Variants in INPP5D observed in about 807,000 individuals in gnomAD.
The protein encoded by INPP5D is inositol polyphosphate-5-phosphatase D, also known as phosphatidylinositol 3,4,5-trisphosphate 5-phosphatase 1.
Under a neutral mutation model 122.9 loss-of-function variants are expected in INPP5D, and 33 were observed. The ratio of observed to expected loss-of-function variants is 0.27; its 90% confidence interval spans 0.20 to 0.36. INPP5D has a LOEUF of 0.36. Ranked by LOEUF, INPP5D falls within the 10% of genes least tolerant of loss-of-function variation. The pLI, the probability that INPP5D is intolerant of heterozygous loss-of-function variation, is 1.00. For synonymous variants in INPP5D, 584 were observed against 576.2 expected, an observed-to-expected ratio of 1.01 and a Z score of -0.19; for missense variants, 1,053 against 1,412.7, an observed-to-expected ratio of 0.75 and a Z score of 4.08.
chr2:233,108,055 C>T lies in INPP5D; in HGVS notation c.199-14052C>T, dbSNP rs529033356. 3.3e-5 allele frequency among the ~76,000 whole-genome samples: 5 copies of T among 152,272 alleles called. No homozygotes were observed. In the South Asian group the frequency reaches 1.0e-3, roughly 32 times the overall value. On this transcript the variant is annotated intron_variant, in intron 2 of 26. Coordinates refer to ENST00000445964, the MANE Select transcript of INPP5D (RefSeq NM_001017915.3). ...AGTTTCCCCCCTCCCACCTCTCAGTCCACCATAGCCCCAGGGGGCGGACCT... is the reference window on the plus strand; with the variant it reads ...AGTTTCCCCCCTCCCACCTCTCAGTTCACCATAGCCCCAGGGGGCGGACCT...
At chr2:233,192,068 C>G (rs768339011) in intron 22 of INPP5D, among the ~76,000 whole-genome samples, 2 of 152,118 alleles carry the variant, frequency 1.3e-5, no homozygotes, top group East Asian at 3.9e-4. Context: ...AGCTCTTCCC[C>G]GTTCCCAGTG....
chr2:233,124,798 A>T (rs1279420725), intron 3 of INPP5D, among the ~76,000 whole-genome samples: 1 of 152,248 alleles, frequency 6.6e-6, no homozygotes, highest in Admixed American at 6.5e-5. Context: ...CAGTCTCATG[A>T]CTGCTGGCTT....
Position 233,170,675 on chromosome 2 carries a change from G to C in INPP5D, c.1900+71G>C. 6.4e-7 allele frequency: 1 copy of C among 1,569,676 alleles called. No homozygotes were observed. Among genetic ancestry groups the C allele is most frequent in the South Asian group, 1.1e-5 (1 of 88,768 alleles). ...TCCCAGCACTTTAGGAGGCCGAGGC[G>C]GGCGGATCACGAGATCAGGAGATGG... On this transcript the variant is annotated intron_variant, in intron 16 of 26. Coordinates refer to ENST00000445964, the MANE Select transcript of INPP5D (RefSeq NM_001017915.3). This position sits in a 1 kb window ranked among gnomAD's most constrained non-coding sequence, Gnocchi z 4.5.
intron 5 of INPP5D, 172 bp downstream of exon 5, chr2:233,130,820 T>C (rs1200577234): frequency 1.3e-6 from 1 of 781,470 alleles, no homozygotes; most frequent in Non-Finnish European, 2.2e-6. Flanking sequence ...GAGGTCTTGT[T>C]ATCATGGAAT....
rs375774660 is a variant in INPP5D at position 233,198,206 on chromosome 2, T to C, written c.2805T>C (p.Pro935=). The C allele has an allele frequency of 6.2e-7, 1 of 1,613,674 alleles. No individual in the cohort carries two copies. The highest frequency in any genetic ancestry group is 8.5e-7 in the Non-Finnish European group (1 of 1,179,888). The part of the protein sequence containing the change: ...MPLHVKQTLS[P]DQQPTAWSYD... ...TGCACGTGAAGCAGACCTTGTCCCCTGACCAGCAGCCCACAGCCTGGAGCT... is the reference window on the plus strand; with the variant it reads ...TGCACGTGAAGCAGACCTTGTCCCCCGACCAGCAGCCCACAGCCTGGAGCT... Residue 935 remains proline (P), a synonymous_variant, in exon 25 of 27, where the codon CCT becomes CCC. Transcript: ENST00000445964.
chr2:233,065,749 C>T (rs1284755398), intron 1 of INPP5D, among the ~76,000 whole-genome samples: 3 of 151,656 alleles, frequency 2.0e-5, no homozygotes, highest in Non-Finnish European at 4.4e-5. Flanking sequence ...AGGATTCAAG[C>T]AATTCTTCTG....
chr2:233,121,422 G>A (rs1692973046), intron 2 of INPP5D, among the ~76,000 whole-genome samples: 1 of 151,776 alleles, frequency 6.6e-6, no homozygotes, highest in Admixed American at 6.6e-5. Context: ...ACCGGCACAA[G>A]CCACTGCACC....
At chr2:233,127,745 A>AT (rs1429345938) in intron 4 of INPP5D, among the ~76,000 whole-genome samples, 1 of 152,166 alleles carries the variant, frequency 6.6e-6, no homozygotes, top group Non-Finnish European at 1.5e-5. Context: ...AGTAGCTGGG[A>AT]TTACAGCCAT....
At position 233,170,673 on chromosome 2, in the gene INPP5D, G is replaced by T. The variant is rs1694470616; in HGVS notation, c.1900+69G>T. 2.5e-6 allele frequency: 4 copies of T among 1,576,400 alleles called. No homozygotes were observed. The South Asian group carries it at 4.5e-5, about 18-fold the overall frequency. ...AATCCCAGCACTTTAGGAGGCCGAGGCGGGCGGATCACGAGATCAGGAGAT... is the reference window on the plus strand; with the variant it reads ...AATCCCAGCACTTTAGGAGGCCGAGTCGGGCGGATCACGAGATCAGGAGAT... On this transcript the variant is annotated intron_variant, in intron 16 of 26. Transcript: ENST00000445964. The surrounding 1 kb of genome is among the most constrained non-coding windows in gnomAD (Gnocchi z 4.5).
At chr2:233,063,779 C>T (rs947669089) in intron 1 of INPP5D, among the ~76,000 whole-genome samples, 2 of 152,242 alleles carry the variant, frequency 1.3e-5, no homozygotes, top group African/African-American at 2.4e-5. Context: ...CCAACTCTGC[C>T]GTCTTTCAGC....
At chr2:233,124,870 C>T (rs937702999) in intron 3 of INPP5D, among the ~76,000 whole-genome samples, 3 of 152,244 alleles carry the variant, frequency 2.0e-5, no homozygotes, top group Non-Finnish European at 2.9e-5. Context: ...ACATGAGGCC[C>T]GCGCAGTCCA....
At chr2:233,102,586 C>T (rs1008591086) in intron 2 of INPP5D, among the ~76,000 whole-genome samples, 7 of 150,978 alleles carry the variant, frequency 4.6e-5, no homozygotes, top group African/African-American at 9.8e-5. Flanking sequence ...CGGTGGCTCA[C>T]GCCTGTAATC....
At chr2:233,193,604 A>T (rs11675867) in intron 22 of INPP5D, among the ~76,000 whole-genome samples, 58,398 of 152,034 alleles carry the variant, frequency 0.38, 11,430 homozygotes, top group South Asian at 0.44. Flanking sequence ...TTTCTACAAT[A>T]TAATTTTTTT....
chr2:233,189,743 C>A lies in INPP5D; in HGVS notation c.2359-107C>A. On this transcript the variant is annotated intron_variant, in intron 21 of 26. Transcript: ENST00000445964. The surrounding 1 kb of genome is among the most constrained non-coding windows in gnomAD (Gnocchi z 5.6). ...GGGTATGGACAGCAGAGATTTAGAT[C>A]TGATTACTAAGAACACCTTTCGTCA... 6.7e-7 allele frequency: 1 copy of A among 1,497,530 alleles called. No homozygotes were observed. The highest frequency in any genetic ancestry group is 1.3e-5 in the South Asian group (1 of 77,426). The allele number at this position is 1,497,530 out of a possible 1,614,324, so 92.8% of individuals were successfully genotyped here.
Position 233,188,249 on chromosome 2 carries a change from A to C in INPP5D, c.2359-1601A>C. ...TCTCCTGCTCCCTGACCCCCGCCCC[A>C]CCCCTGTTGCCTGGCGGCCTCCTCT... On this transcript the variant is annotated intron_variant, in intron 21 of 26. Coordinates refer to ENST00000445964, the MANE Select transcript of INPP5D (RefSeq NM_001017915.3). This position sits in a 1 kb window ranked among gnomAD's most constrained non-coding sequence, Gnocchi z 4.7. 6.7e-6 allele frequency among the ~76,000 whole-genome samples: 1 copy of C among 150,100 alleles called. No homozygotes were observed. The highest frequency in any genetic ancestry group is 2.5e-5 in the African/African-American group (1 of 40,566).
intron 22 of INPP5D, among the ~76,000 whole-genome samples, chr2:233,190,226 C>T (rs959610817): frequency 6.6e-6 from 1 of 152,216 alleles, no homozygotes; most frequent in Non-Finnish European, 1.5e-5. Context: ...CTTGACAAGA[C>T]CTTACTGTTC....
At position 233,164,070 on chromosome 2, in the gene INPP5D, G is replaced by C; in HGVS notation, c.1437+167G>C. Reference sequence around the variant, plus strand: ...GTATTCAGAAATAAATGGGATCTGTGGGGTATTGCTGAAAACCACTGAGTC... The same window carrying C: ...GTATTCAGAAATAAATGGGATCTGTCGGGTATTGCTGAAAACCACTGAGTC... On this transcript the variant is annotated intron_variant, in intron 12 of 26. Coordinates refer to ENST00000445964, the MANE Select transcript of INPP5D (RefSeq NM_001017915.3). This position sits in a 1 kb window ranked among gnomAD's most constrained non-coding sequence, Gnocchi z 4.3. 1.4e-6 allele frequency: 2 copies of C among 1,386,778 alleles called. No homozygotes were observed. Among genetic ancestry groups the C allele is most frequent in the South Asian group, 1.5e-5 (1 of 66,220 alleles). 85.9% of individuals were successfully genotyped at this position (1,386,778 alleles called of 1,614,324 possible). A position where few individuals can be genotyped will look rare whatever the true frequency, so the allele number is the denominator to read the frequency against.
At chr2:233,158,473 C>T (rs1313792059) in intron 10 of INPP5D, 54 bp downstream of exon 10, 5 of 667,530 alleles carry the variant, frequency 7.5e-6, no homozygotes, top group Non-Finnish European at 1.4e-5. Context: ...GGGACACAAG[C>T]GTTTTGAGGC....
Position 233,082,531 on chromosome 2 carries a change from T to G in INPP5D, c.198+3133T>G, listed in dbSNP as rs1236228051. Among the ~76,000 whole-genome samples the G allele has an allele frequency of 6.6e-6, 1 of 152,166 alleles. No individual in the cohort carries two copies. The highest frequency in any genetic ancestry group is 2.4e-5 in the African/African-American group (1 of 41,444). On this transcript the variant is annotated intron_variant, in intron 2 of 26. Coordinates refer to ENST00000445964, the MANE Select transcript of INPP5D (RefSeq NM_001017915.3). The surrounding 1 kb of genome is among the most constrained non-coding windows in gnomAD (Gnocchi z 4.7). ...TGCCAAGTGAAGCACCGAAAGGCTT[T>G]CATTGTTTCTTAGTTTAGTAACTTT...
Sources: gnomAD v4.1 joint callset for allele counts (sites outside exome capture counted in the v4.1 genomes callset) on GRCh38, gnomAD v4.1.1 for gene constraint, Gnocchi (gnomAD v3.1) non-coding constraint, MANE v1.5 for transcripts, NCBI Gene and HGNC (gene_info 2026-07-23, HGNC 2026-07-21) for gene names.